SMURF2: variants seen among roughly 807,000 people sequenced by gnomAD.
The protein encoded by SMURF2 is SMAD specific E3 ubiquitin protein ligase 2, also known as E3 ubiquitin-protein ligase SMURF2.
A neutral mutation model predicts 109.6 loss-of-function variants in SMURF2; 48 were observed. The observed-to-expected ratio is 0.44, with a 90% CI of 0.35 to 0.56. SMURF2 has a LOEUF of 0.56. Among genes scored for constraint, SMURF2 ranks in the 20% least tolerant of loss-of-function variants. The pLI is 0.01. For missense variants in SMURF2, 575 were observed against 909.0 expected (o/e 0.63, Z 4.72); for synonymous variants, 288 against 317.1 (o/e 0.91, Z 0.97).
intron 1 of SMURF2, chr17:64,660,784 G>A (rs888045843): frequency 6.6e-6 from 1 of 152,178 alleles, no homozygotes; most frequent in Middle Eastern, 3.2e-3. Flanking sequence ...GGGGTAAATG[G>A]TGAAGGTAGG....
At chr17:64,641,048 T>C (rs1970487347) in intron 1 of SMURF2, among the ~76,000 whole-genome samples, 1 of 152,060 alleles carries the variant, frequency 6.6e-6, no homozygotes, top group Admixed American at 6.6e-5. Context: ...AAAAAAAACA[T>C]TTCAGAGAAT....
At chr17:64,650,685 C>G (rs782777452) in intron 1 of SMURF2, among the ~76,000 whole-genome samples, 119 of 151,948 alleles carry the variant, frequency 7.8e-4, no homozygotes, top group Non-Finnish European at 1.6e-3. Flanking sequence ...ACAAAATTAG[C>G]TGGGTGTAGT....
Position 64,556,331 on chromosome 17 carries a change from C to T in SMURF2, c.1432-333G>A, listed in dbSNP as rs577477764. ...TCCTTCTCTCACCTCCTGCTGAGCC[C>T]TTTGTCATGAAAAAAAATCTTTCAA... On this transcript the variant is annotated intron_variant, in intron 13 of 18. Transcript: ENST00000262435. Among the ~76,000 whole-genome samples, 4 of 152,226 alleles carry T rather than the reference C, an allele frequency of 2.6e-5. No individual in the cohort carries two copies. In the East Asian group the frequency reaches 7.7e-4, roughly 29 times the overall value.
chr17:64,568,104 T>C (rs181020902), intron 10 of SMURF2, among the ~76,000 whole-genome samples: 166 of 152,230 alleles, frequency 1.1e-3, no homozygotes, highest in African/African-American at 3.8e-3. Flanking sequence ...TCCACCCGCC[T>C]TGGCCTCCCA....
chr17:64,549,262 CAAAAAA>C (rs577973821), intron 16 of SMURF2, among the ~76,000 whole-genome samples: 35 of 41,570 alleles, frequency 8.4e-4, no homozygotes, highest in East Asian at 1.8e-3. Context: ...ACTGTGTCTC[CAAAAAA>C]AAAAAAAAAA....
chr17:64,642,575 C>T (rs1970505806), intron 1 of SMURF2, among the ~76,000 whole-genome samples: 1 of 152,128 alleles, frequency 6.6e-6, no homozygotes, highest in African/African-American at 2.4e-5. Flanking sequence ...CTCTTTTGAA[C>T]CAAGAATTAT....
At chr17:64,624,019 A>G (rs559743827) in intron 1 of SMURF2, among the ~76,000 whole-genome samples, 294 of 152,334 alleles carry the variant, frequency 1.9e-3, no homozygotes, top group African/African-American at 6.7e-3. Flanking sequence ...GGGTGGTTCT[A>G]CTAAACAACT....
At chr17:64,646,924 A>G (rs532564955) in intron 1 of SMURF2, among the ~76,000 whole-genome samples, 32 of 152,304 alleles carry the variant, frequency 2.1e-4, no homozygotes, top group African/African-American at 7.2e-4. Context: ...GAAAATATGA[A>G]AGATCAATCG....
At chr17:64,568,600 A>C (rs1969350146) in intron 10 of SMURF2, among the ~76,000 whole-genome samples, 1 of 152,204 alleles carries the variant, frequency 6.6e-6, no homozygotes, top group African/African-American at 2.4e-5. Context: ...GAAAGGTAAC[A>C]AACAATTAAG....
At chr17:64,634,576 T>C (rs1178476603) in intron 1 of SMURF2, among the ~76,000 whole-genome samples, 2 of 152,218 alleles carry the variant, frequency 1.3e-5, no homozygotes, top group Non-Finnish European at 2.9e-5. Flanking sequence ...AGATATTTTA[T>C]ATTCCACTTT....
chr17:64,555,767 T>A lies in SMURF2; in HGVS notation c.1610+53A>T, dbSNP rs568499631. Reference sequence around the variant, plus strand: ...TAAGTACATCAGTTTTGAAACATATTTTTTTTTAAAGCTCAGAGTTTATAA... The same window carrying A: ...TAAGTACATCAGTTTTGAAACATATATTTTTTTAAAGCTCAGAGTTTATAA... On this transcript the variant is annotated intron_variant, in intron 14 of 18. Transcript: ENST00000262435. 6.3e-5 allele frequency: 81 copies of A among 1,283,760 alleles called. No individual in the cohort carries two copies. The African/African-American group carries it at 9.5e-4, about 15-fold the overall frequency. The allele number at this position is 1,283,760 out of a possible 1,614,324, so 79.5% of individuals were successfully genotyped here.
At chr17:64,648,314 C>T (rs1555693178) in intron 1 of SMURF2, among the ~76,000 whole-genome samples, 1 of 152,014 alleles carries the variant, frequency 6.6e-6, no homozygotes, top group African/African-American at 2.4e-5. Context: ...TTCTATCCAT[C>T]AAGTCAAATA....
intron 1 of SMURF2, among the ~76,000 whole-genome samples, chr17:64,655,006 T>A (rs1244445554): frequency 6.6e-6 from 1 of 151,846 alleles, no homozygotes; most frequent in African/African-American, 2.4e-5. Flanking sequence ...AAAATACATA[T>A]AACTGCATTC....
chr17:64,626,874 A>C (rs548217167), intron 1 of SMURF2, among the ~76,000 whole-genome samples: 1 of 152,112 alleles, frequency 6.6e-6, no homozygotes, highest in Non-Finnish European at 1.5e-5. Flanking sequence ...TAGATTTAAC[A>C]GAAAAACACT....
chr17:64,622,055 G>T (rs1456075322), intron 1 of SMURF2, among the ~76,000 whole-genome samples: 1 of 147,578 alleles, frequency 6.8e-6, no homozygotes, highest in African/African-American at 2.5e-5. Context: ...GTGAGACCTT[G>T]TCCCCAAAAT....
At chr17:64,659,931 T>G (rs1202347776) in intron 1 of SMURF2, among the ~76,000 whole-genome samples, 1 of 152,174 alleles carries the variant, frequency 6.6e-6, no homozygotes, top group Non-Finnish European at 1.5e-5. Context: ...TCAGAGTACC[T>G]CAAACTGTTT....
chr17:64,571,851 T>A lies in SMURF2; in HGVS notation c.963A>T (p.Arg321Ser). Residue 321 changes from arginine (R) to serine (S), a missense_variant, in exon 10 of 19, where the codon AGA (arginine) becomes AGT (serine). Transcript: ENST00000262435. ...GCCGAGGATCTGTAAATTGTGTTGT[T>A]CTGTTGTTATGGTCAACGAAATAAA... Reference protein sequence around the residue: ...GRVYFVDHNNRTTQFTDPRLS... With the variant: ...GRVYFVDHNNSTTQFTDPRLS... 8 of 1,613,748 alleles carry A rather than the reference T, an allele frequency of 5.0e-6. No homozygotes were observed. Among genetic ancestry groups the A allele is most frequent in the Non-Finnish European group, 6.8e-6 (8 of 1,179,830 alleles).
intron 4 of SMURF2, among the ~76,000 whole-genome samples, chr17:64,592,354 C>T (rs1212508746): frequency 1.1e-4 from 16 of 152,020 alleles, no homozygotes; most frequent in Admixed American, 1.0e-3. Context: ...TTTTCCAATC[C>T]CAGTGTCTTT....
At chr17:64,614,692 T>C (rs942768325) in intron 1 of SMURF2, among the ~76,000 whole-genome samples, 1 of 152,210 alleles carries the variant, frequency 6.6e-6, no homozygotes, top group Non-Finnish European at 1.5e-5. Context: ...GGTGTGATCA[T>C]CTTGAGATAC....
Sources: allele counts gnomAD v4.1 joint callset (sites outside exome capture counted in the v4.1 genomes callset), GRCh38; gene constraint gnomAD v4.1.1; transcripts MANE v1.5; gene names NCBI Gene and HGNC (gene_info 2026-07-23, HGNC 2026-07-21).